CNKSR1: variants seen among roughly 807,000 people sequenced by gnomAD.
CNKSR1 encodes the protein connector enhancer of kinase suppressor of Ras 1, also known as CNK homolog protein 1.
In CNKSR1, 88 loss-of-function variants were observed where a neutral mutation model predicts 95.6. The ratio of observed to expected loss-of-function variants is 0.92; its 90% CI spans 0.78 to 1.10. The LOEUF is 1.10. CNKSR1 is among the 50% of genes least tolerant of loss of function. The pLI, the probability that CNKSR1 is intolerant of heterozygous loss-of-function variation, is 0.00. For missense variants in CNKSR1, 836 were observed against 912.0 expected, an observed-to-expected ratio of 0.92 and a Z score of 1.07; for synonymous variants, 355 against 369.7, an observed-to-expected ratio of 0.96 and a Z score of 0.46.
At chr1:26,184,352 C>T in intron 11 of CNKSR1, 49 bp from the exon 12 acceptor site, 1 of 1,605,864 alleles carries the variant, frequency 6.2e-7, no homozygotes, top group Middle Eastern at 1.7e-4. Flanking sequence ...GACCCCAAGC[C>T]TGGGACTGGG....
At position 26,189,432 on chromosome 1, in the gene CNKSR1, A is replaced by G; in HGVS notation, c.2026A>G (p.Ile676Val). 6.2e-7 allele frequency: 1 copy of G among 1,614,042 alleles called. No individual in the cohort carries two copies. Among genetic ancestry groups the G allele is most frequent in the Non-Finnish European group, 8.5e-7 (1 of 1,179,986 alleles). Residue 676 changes from isoleucine to valine, a missense_variant, in exon 21 of 21, where the codon ATC becomes GTC. Ile to Val is a conservative substitution (Grantham distance 29). Transcript: ENST00000361530. The stretch of plus-strand genomic sequence containing the variant: ...GGCACAGGCTGAAGGCAGCTCCCAC[A>G]TCTTGACCTCTGACTCCACAGAACA... ...GVAQAEGSSHILTSDSTEQSP... is the reference protein window; with the variant it reads ...GVAQAEGSSHVLTSDSTEQSP...
intron 16 of CNKSR1, 100 bp downstream of exon 16, chr1:26,187,582 T>A: frequency 8.6e-7 from 1 of 1,160,822 alleles, no homozygotes. Flanking sequence ...ATTCCAGCTC[T>A]CTGAGAGTGG....
At position 26,188,404 on chromosome 1, in the gene CNKSR1, C is replaced by T. The variant is rs778840584; in HGVS notation, c.1529-38C>T. 5.4e-5 allele frequency: 86 copies of T among 1,605,680 alleles called. No homozygotes were observed. The Admixed American group carries it at 9.1e-4, about 17-fold the overall frequency. ...GAACTCAAATGCCCTAGGCCACTCC[C>T]TGGCCTCCCAAAAACCCACTGCTGC... On this transcript the variant is annotated intron_variant, in intron 17 of 20. Coordinates refer to ENST00000361530, the MANE Select transcript of CNKSR1 (RefSeq NM_006314.3).
chr1:26,185,628 G>A (rs141076754), intron 14 of CNKSR1, among the ~76,000 whole-genome samples: 235 of 152,028 alleles, frequency 1.5e-3, no homozygotes, highest in African/African-American at 5.5e-3. Flanking sequence ...TCCTGACCTC[G>A]TGATCCACCT....
rs780235575 is a variant in CNKSR1, at chr1:26,181,903, C to T, written c.439C>T (p.Arg147Ter). ...TGATTTCTCAGCATGCCAGGAGATCCGAGACTTGTTGGAGGAGCTGAGCCA... is the reference window on the plus strand; with the variant it reads ...TGATTTCTCAGCATGCCAGGAGATCTGAGACTTGTTGGAGGAGCTGAGCCA... Reference protein sequence around the residue: ...LNDFSACQEIRDLLEELSQVL... With the variant: ...LNDFSACQEI Residue 147 changes from arginine to a stop codon, truncating the protein, a stop_gained, in exon 4 of 21, where the codon CGA becomes TGA. Coordinates refer to ENST00000361530, the MANE Select transcript of CNKSR1 (RefSeq NM_006314.3). LOFTEE classifies it high-confidence loss of function. 33 of 1,613,866 alleles carry T rather than the reference C, an allele frequency of 2.0e-5. No individual in the cohort carries two copies. The highest frequency in any genetic ancestry group is 1.6e-4 in the Middle Eastern group (1 of 6,082).
chr1:26,184,498 C>T lies in CNKSR1; in HGVS notation c.1098C>T (p.Ser366=), dbSNP rs1166729029. 16 of 1,612,208 alleles carry T rather than the reference C, an allele frequency of 9.9e-6. No individual in the cohort carries two copies. Among genetic ancestry groups the T allele is most frequent in the Non-Finnish European group, 1.1e-5 (13 of 1,179,268 alleles). Residue 366 remains serine (S), a synonymous_variant, in exon 12 of 21, where the codon TCC becomes TCT. Coordinates refer to ENST00000361530, the MANE Select transcript of CNKSR1 (RefSeq NM_006314.3). ...CAGGGACTCCAGGGCTCCCTGAATC[C>T]CCTGACAAGGTAAGCTCAGGGGCTT... ...GVAGTPGLPE[S]PDKSPVGRKK... is the part of the protein sequence containing the mutation.
At chr1:26,184,020 A>T (rs766579166) in intron 9 of CNKSR1, 51 bp from the exon 10 acceptor site, 1 of 1,391,406 alleles carries the variant, frequency 7.2e-7, no homozygotes, top group Non-Finnish European at 1.0e-6. Context: ...TTGCCCCCCA[A>T]CCTGCTTTCA....
At chr1:26,187,123 G>A (rs753747228) in intron 14 of CNKSR1, 45 bp from the exon 15 acceptor site, 15 of 1,499,598 alleles carry the variant, frequency 1.0e-5, no homozygotes, top group Non-Finnish European at 1.3e-5. Flanking sequence ...TGGGCCTTGA[G>A]GGTATTGGGG....
rs537392199 is a variant in CNKSR1 at position 26,189,860 on chromosome 1, C to T, written c.*312C>T. On this transcript the variant is annotated 3_prime_UTR_variant, in exon 21 of 21. Transcript: ENST00000361530. ...TTTTACATGAGGGCTACTTTCCAACCAAATAAAGTCAATTTTTCTAAGAAT... is the reference window on the plus strand; with the variant it reads ...TTTTACATGAGGGCTACTTTCCAACTAAATAAAGTCAATTTTTCTAAGAAT... 1.7e-6 allele frequency: 1 copy of T among 577,388 alleles called. No individual in the cohort carries two copies. The highest frequency in any genetic ancestry group is 3.2e-6 in the Non-Finnish European group (1 of 316,986). 35.8% of individuals were successfully genotyped at this position (577,388 alleles called of 1,614,324 possible).
At chr1:26,187,107 G>T in intron 14 of CNKSR1, 61 bp from the exon 15 acceptor site, 1 of 1,327,078 alleles carries the variant, frequency 7.5e-7, no homozygotes, top group Non-Finnish European at 1.1e-6. Flanking sequence ...GTAACTAGGA[G>T]CTGACTGGGC....
intron 16 of CNKSR1, 110 bp downstream of exon 16, chr1:26,187,592 G>A: frequency 2.0e-6 from 2 of 1,014,012 alleles, no homozygotes; most frequent in Admixed American, 3.5e-5. Context: ...TCTGAGAGTG[G>A]TTGGTCAAGA....
At chr1:26,189,236 TC>T in intron 20 of CNKSR1, 42 bp from the exon 21 acceptor site, 1 of 1,611,194 alleles carries the variant, frequency 6.2e-7, no homozygotes, top group Non-Finnish European at 8.5e-7. Context: ...TCTGCCCACT[TC>T]CCTGGGTGAT....
rs143203592 is a variant in CNKSR1 at position 26,189,847 on chromosome 1, G to A, written c.*299G>A. ...CAGGTGTTCTTTATTTTACATGAGG[G>A]CTACTTTCCAACCAAATAAAGTCAA... On this transcript the variant is annotated 3_prime_UTR_variant, in exon 21 of 21. Coordinates refer to ENST00000361530, the MANE Select transcript of CNKSR1 (RefSeq NM_006314.3). The A allele has an allele frequency of 2.3e-4, 144 of 616,784 alleles. No individual in the cohort carries two copies. The highest frequency in any genetic ancestry group is 2.0e-3 in the African/African-American group (111 of 54,746). 38.2% of individuals were successfully genotyped at this position (616,784 alleles called of 1,614,324 possible).
chr1:26,183,407 AGGT>A lies in CNKSR1; in HGVS notation c.753+1_753+3del. ...GACGAGGTTGTCCAGATCAACGAGC[AGGT>A]GGTGGTGCGTGAGGAGAGGGACATG... On this transcript the variant is annotated inframe_deletion, in exon 8 of 21. Transcript: ENST00000361530. 2 of 1,614,148 alleles carry A rather than the reference AGGT, an allele frequency of 1.2e-6. No individual in the cohort carries two copies. Among genetic ancestry groups the A allele is most frequent in the South Asian group, 2.2e-5 (2 of 91,088 alleles).
In CNKSR1 at chr1:26,188,710, A is replaced by C. The variant is rs1172169119; in HGVS notation, c.1690+13A>C. The stretch of plus-strand genomic sequence containing the variant: ...GGCTCTCTGACAGGTGCTGGGCTGG[A>C]GTTGGGAGCTGGGCTGGGGGCTGGG... On this transcript the variant is annotated intron_variant, in intron 19 of 20. Coordinates refer to ENST00000361530, the MANE Select transcript of CNKSR1 (RefSeq NM_006314.3). 1.9e-6 allele frequency: 3 copies of C among 1,612,906 alleles called. No individual in the cohort carries two copies. Among genetic ancestry groups the C allele is most frequent in the Non-Finnish European group, 1.7e-6 (2 of 1,179,350 alleles).
rs1231309431 is a variant in CNKSR1, at chr1:26,188,089, A to G, written c.1455-145A>G. ...ACTCACTTCTCTAAGCCTCAGTTTC[A>G]TCATCTATAAAATGGGTGACTAAGA... On this transcript the variant is annotated intron_variant, in intron 16 of 20. Transcript: ENST00000361530. 6 of 754,528 alleles carry G rather than the reference A, an allele frequency of 8.0e-6. No individual in the cohort carries two copies. The Admixed American group carries it at 1.0e-4, about 13-fold the overall frequency. 46.7% of individuals were successfully genotyped at this position (754,528 alleles called of 1,614,324 possible). A position where few individuals can be genotyped will look rare whatever the true frequency, so the allele number is the denominator to read the frequency against.
chr1:26,183,979 G>T (rs1173147366), intron 9 of CNKSR1, 92 bp from the exon 10 acceptor site: 2 of 706,876 alleles, frequency 2.8e-6, no homozygotes, highest in African/African-American at 2.2e-5. Flanking sequence ...CCCCCCCACA[G>T]GTACCTGCTC....
intron 13 of CNKSR1, 37 bp downstream of exon 13, chr1:26,184,649 T>TTTGAGGAGCTGTTAA: frequency 6.4e-7 from 1 of 1,571,940 alleles, no homozygotes; most frequent in Non-Finnish European, 8.6e-7. Flanking sequence ...GGTTCCCCTG[T>TTTGAGGAGCTGTTAA]TTGAGGAGCT....
chr1:26,180,268 C>A, intron 1 of CNKSR1, 185 bp from the exon 2 acceptor site: 1 of 701,794 alleles, frequency 1.4e-6, no homozygotes. Context: ...TTTTAAGAAC[C>A]CATGTCCTAT....
Sources: allele counts gnomAD v4.1 joint callset (sites outside exome capture counted in the v4.1 genomes callset), GRCh38; gene constraint gnomAD v4.1.1; transcripts MANE v1.5; gene names NCBI Gene and HGNC (gene_info 2026-07-23, HGNC 2026-07-21).